GPM6A: variants seen among roughly 807,000 people sequenced by gnomAD.
GPM6A encodes the protein neuronal membrane glycoprotein M6-a.
A neutral mutation model predicts 32.1 loss-of-function variants in GPM6A; 7 were observed. The ratio of observed to expected loss-of-function variants is 0.22; its 90% CI spans 0.12 to 0.41. The LOEUF is 0.41. Ranked by LOEUF, GPM6A falls within the 10% of genes least tolerant of loss-of-function variation. The probability of loss-of-function intolerance (pLI) is 1.00; values close to 1 mark genes in which losing one functional copy is unlikely to be tolerated. For synonymous variants in GPM6A, 130 were observed against 123.4 expected (o/e 1.05, Z -0.35); for missense variants, 235 against 347.2 (o/e 0.68, Z 2.57).
At chr4:175,908,147 G>C (rs1453590543) in intron 1 of GPM6A, among the ~76,000 whole-genome samples, 1 of 152,126 alleles carries the variant, frequency 6.6e-6, no homozygotes, top group Non-Finnish European at 1.5e-5. Flanking sequence ...TTATTACTAT[G>C]TAATTTATGA....
At chr4:175,764,934 C>T (rs1403696667) in intron 1 of GPM6A, among the ~76,000 whole-genome samples, 9 of 151,180 alleles carry the variant, frequency 6.0e-5, no homozygotes, top group African/African-American at 9.7e-5. Context: ...AGTGCAATGG[C>T]GCCATCTCAG....
intron 1 of GPM6A, among the ~76,000 whole-genome samples, chr4:175,878,697 C>G (rs1424991466): frequency 6.6e-6 from 1 of 152,066 alleles, no homozygotes; most frequent in Non-Finnish European, 1.5e-5. Context: ...TTCTGACATG[C>G]CCTGGGAGCA....
chr4:175,740,840 T>C (rs1731859629), intron 1 of GPM6A, among the ~76,000 whole-genome samples: 1 of 152,000 alleles, frequency 6.6e-6, no homozygotes, highest in Non-Finnish European at 1.5e-5. Context: ...AGAAAATGGA[T>C]GAAAGGCATT....
At chr4:175,732,694 C>T (rs1311131036) in intron 1 of GPM6A, among the ~76,000 whole-genome samples, 1 of 152,102 alleles carries the variant, frequency 6.6e-6, no homozygotes, top group Non-Finnish European at 1.5e-5. Flanking sequence ...TAACTTAAGG[C>T]TACCTTGTAG....
chr4:175,916,570 T>C (rs954602333), intron 1 of GPM6A, among the ~76,000 whole-genome samples: 1 of 152,200 alleles, frequency 6.6e-6, no homozygotes, highest in Non-Finnish European at 1.5e-5. Context: ...AGTGCTAAAT[T>C]TATATTTTAT....
At chr4:175,809,453 T>C (rs2111325612) in intron 1 of GPM6A, among the ~76,000 whole-genome samples, 1 of 152,212 alleles carries the variant, frequency 6.6e-6, no homozygotes, top group South Asian at 2.1e-4. Flanking sequence ...GGCTTTCATT[T>C]AGAGGCCATG....
In GPM6A at chr4:175,751,290, A is replaced by T. The variant is rs1254521307; in HGVS notation, c.38-49523T>A. Among the ~76,000 whole-genome samples, 10 of 152,296 alleles carry T rather than the reference A, an allele frequency of 6.6e-5. 1 individual carries two copies. The Middle Eastern group carries it at 0.017, about 259-fold the overall frequency. ...AGAAAACTGATTGCATAAAATAATT[A>T]CATTTAGGACATATGAAATGAAAAT... On this transcript the variant is annotated intron_variant, in intron 1 of 6. Coordinates refer to ENST00000393658, the MANE Select transcript of GPM6A (RefSeq NM_201591.3).
chr4:175,722,526 T>C (rs2111119082), intron 1 of GPM6A, among the ~76,000 whole-genome samples: 1 of 152,260 alleles, frequency 6.6e-6, no homozygotes, highest in African/African-American at 2.4e-5. Flanking sequence ...TGCACCCTTT[T>C]GCAGCTTTCT....
intron 1 of GPM6A, among the ~76,000 whole-genome samples, chr4:175,922,511 G>A (rs1437466356): frequency 6.6e-6 from 1 of 152,146 alleles, no homozygotes; most frequent in East Asian, 1.9e-4. Flanking sequence ...AAACTGGAAA[G>A]GTTCCCAAAG....
intron 1 of GPM6A, among the ~76,000 whole-genome samples, chr4:175,998,612 A>T (rs1443526018): frequency 6.6e-6 from 1 of 152,108 alleles, no homozygotes; most frequent in Non-Finnish European, 1.5e-5. Context: ...AAAATCTTCT[A>T]TTCATTCTCT....
intron 1 of GPM6A, among the ~76,000 whole-genome samples, chr4:175,877,418 C>G (rs1252903209): frequency 6.6e-6 from 1 of 152,164 alleles, no homozygotes; most frequent in Non-Finnish European, 1.5e-5. Context: ...ATACCCAAGA[C>G]TAGGTAATTT....
At chr4:175,926,891 C>A (rs1350093680) in intron 1 of GPM6A, among the ~76,000 whole-genome samples, 1 of 152,120 alleles carries the variant, frequency 6.6e-6, no homozygotes, top group Non-Finnish European at 1.5e-5. Context: ...CTTAACCATT[C>A]CTATATGCAG....
chr4:175,866,637 A>T (rs1265882553), intron 1 of GPM6A, among the ~76,000 whole-genome samples: 1 of 152,078 alleles, frequency 6.6e-6, no homozygotes, highest in Non-Finnish European at 1.5e-5. Flanking sequence ...AATTGTCTGG[A>T]TGTACCAGGT....
At chr4:175,860,536 G>C (rs930481534) in intron 1 of GPM6A, among the ~76,000 whole-genome samples, 2 of 152,140 alleles carry the variant, frequency 1.3e-5, no homozygotes, top group Non-Finnish European at 2.9e-5. Context: ...ATTTGTTAGA[G>C]AAATTGAATC....
In GPM6A at chr4:175,636,109, C is replaced by T. The variant is rs1488464870; in HGVS notation, c.685-1052G>A. On this transcript the variant is annotated intron_variant, in intron 6 of 6. Transcript: ENST00000393658. ...GACACGGGATGTAGGGGAAAAGATG[C>T]ATACCACTATAAATAACCTATTTTT... Among the ~76,000 whole-genome samples the T allele has an allele frequency of 2.6e-5, 4 of 151,662 alleles. No individual in the cohort carries two copies. In the South Asian group the frequency reaches 6.3e-4, roughly 24 times the overall value.
At chr4:175,738,415 T>C (rs1317115507) in intron 1 of GPM6A, among the ~76,000 whole-genome samples, 1 of 152,208 alleles carries the variant, frequency 6.6e-6, no homozygotes, top group African/African-American at 2.4e-5. Flanking sequence ...TACTACCATT[T>C]TGCTTCTCTT....
At chr4:175,660,103 A>T (rs573716720) in intron 3 of GPM6A, among the ~76,000 whole-genome samples, 13 of 152,084 alleles carry the variant, frequency 8.5e-5, no homozygotes, top group Admixed American at 2.6e-4. Context: ...GAGCAAAATT[A>T]AAAAAAAGTA....
chr4:175,923,220 T>C (rs1006024523), intron 1 of GPM6A, among the ~76,000 whole-genome samples: 1 of 8,712 alleles, frequency 1.1e-4, no homozygotes. Flanking sequence ...ATGATTTATA[T>C]ATATATATAT....
chr4:175,747,528 G>T (rs1368723310), intron 1 of GPM6A, among the ~76,000 whole-genome samples: 1 of 151,994 alleles, frequency 6.6e-6, no homozygotes, highest in East Asian at 1.9e-4. Context: ...CATATTTTTT[G>T]AGTTCTCAGT....
Sources: allele counts gnomAD v4.1 joint callset (sites outside exome capture counted in the v4.1 genomes callset), GRCh38; gene constraint gnomAD v4.1.1; transcripts MANE v1.5; gene names NCBI Gene and HGNC (gene_info 2026-07-23, HGNC 2026-07-21).